The following WNT7A variants were observed in gnomAD, a reference collection of about 807,000 sequenced individuals.
WNT7A encodes Wnt family member 7A.
WNT7A carries 16 observed loss-of-function variants against 28.2 expected under a neutral mutation model. The observed-to-expected ratio is 0.57, with a 90% CI of 0.38 to 0.86. The LOEUF is 0.86. Among genes scored for constraint, WNT7A ranks in the 40% least tolerant of loss-of-function variants. WNT7A has a pLI of 0.00. For missense variants in WNT7A, 411 were observed against 489.7 expected, an observed-to-expected ratio of 0.84 and a Z score of 1.52; for synonymous variants, 190 against 195.9, an observed-to-expected ratio of 0.97 and a Z score of 0.25.
intron 3 of WNT7A, 111 bp downstream of exon 3, chr3:13,854,421 G>C: frequency 6.4e-6 from 10 of 1,562,892 alleles, no homozygotes; most frequent in Non-Finnish European, 8.7e-6. Context: ...GAATGAGGCT[G>C]AGGGCAGAGC....
intron 3 of WNT7A, among the ~76,000 whole-genome samples, chr3:13,832,082 G>C (rs1694289255): frequency 6.6e-6 from 1 of 151,612 alleles, no homozygotes; most frequent in South Asian, 2.1e-4. Context: ...TCCTGTTCCT[G>C]CTCCTGCTTC....
chr3:13,874,900 C>A (rs761831696), intron 2 of WNT7A, 47 bp downstream of exon 2: 2 of 1,595,648 alleles, frequency 1.3e-6, no homozygotes, highest in South Asian at 1.1e-5. Context: ...ATTCTGGTGT[C>A]CCTAGAGCCG....
intron 2 of WNT7A, among the ~76,000 whole-genome samples, chr3:13,871,255 TA>T (rs1695022412): frequency 6.6e-6 from 1 of 152,210 alleles, no homozygotes; most frequent in Non-Finnish European, 1.5e-5. Context: ...GCCAGATTTT[TA>T]CCCCTGCAAG....
chr3:13,850,878 G>T (rs1694624060), intron 3 of WNT7A, among the ~76,000 whole-genome samples: 1 of 152,022 alleles, frequency 6.6e-6, no homozygotes, highest in African/African-American at 2.4e-5. Context: ...GCACCCAGAA[G>T]GCCCAGGTTC....
At chr3:13,843,409 G>A (rs1694493107) in intron 3 of WNT7A, among the ~76,000 whole-genome samples, 1 of 152,106 alleles carries the variant, frequency 6.6e-6, no homozygotes. Context: ...AGGAAACTGA[G>A]GCTTGAGAAG....
intron 3 of WNT7A, among the ~76,000 whole-genome samples, chr3:13,846,376 G>A (rs1471577888): frequency 6.6e-6 from 1 of 152,200 alleles, no homozygotes; most frequent in Non-Finnish European, 1.5e-5. Flanking sequence ...AGGATAGTTT[G>A]AGGTTAAGAC....
chr3:13,838,693 C>T (rs1694408561), intron 3 of WNT7A, among the ~76,000 whole-genome samples: 1 of 152,228 alleles, frequency 6.6e-6, no homozygotes, highest in East Asian at 1.9e-4. Context: ...AGAATGCCAA[C>T]TGGCTTAGGG....
chr3:13,825,986 C>T (rs1694188576), intron 3 of WNT7A, among the ~76,000 whole-genome samples: 1 of 152,242 alleles, frequency 6.6e-6, no homozygotes, highest in South Asian at 2.1e-4. Context: ...TCCCCCGCCT[C>T]TGATGAAGAG....
chr3:13,820,903 G>A (rs1369206934), intron 3 of WNT7A, among the ~76,000 whole-genome samples: 3 of 152,190 alleles, frequency 2.0e-5, no homozygotes, highest in Non-Finnish European at 2.9e-5. Flanking sequence ...CTGGCTGGTT[G>A]AAGGCTCTGG....
At chr3:13,831,676 C>G (rs1048445512) in intron 3 of WNT7A, among the ~76,000 whole-genome samples, 1 of 152,110 alleles carries the variant, frequency 6.6e-6, no homozygotes, top group Admixed American at 6.5e-5. Flanking sequence ...CACCCAAGAC[C>G]ACTCCCCCTC....
chr3:13,842,831 A>G (rs559377361), intron 3 of WNT7A, among the ~76,000 whole-genome samples: 1 of 152,298 alleles, frequency 6.6e-6, no homozygotes, highest in African/African-American at 2.4e-5. Context: ...AGCTGGATGC[A>G]CAGGACTTGT....
Position 13,874,971 on chromosome 3 carries a change from C to T in WNT7A, c.274G>A (p.Val92Ile), listed in dbSNP as rs866069492. The T allele has an allele frequency of 2.5e-6, 4 of 1,614,122 alleles. No individual in the cohort carries two copies. Among genetic ancestry groups the T allele is most frequent in the South Asian group, 1.1e-5 (1 of 91,080 alleles). ...CCCACTTTGAGCTCCTTCCCGAAGA[C>T]GGTGCGCTCTCCCAGTGCAGAGCAG... is the stretch of plus-strand genomic sequence containing the variant. ...WNCSALGERTVFGKELKVGSR... is the reference protein window; with the variant it reads ...WNCSALGERTIFGKELKVGSR... The change falls in exon 2 of 4, where the codon GTC (valine) becomes ATC (isoleucine). Residue 92 changes from valine (V) to isoleucine (I), a missense_variant. Val to Ile is a conservative substitution (Grantham distance 29). Coordinates refer to ENST00000285018, the MANE Select transcript of WNT7A (RefSeq NM_004625.4).
In WNT7A at chr3:13,849,938, G is replaced by C. The variant is rs371252219; in HGVS notation, c.570+4594C>G. On this transcript the variant is annotated intron_variant, in intron 3 of 3. Coordinates refer to ENST00000285018, the MANE Select transcript of WNT7A (RefSeq NM_004625.4). ...GCTGCAGACAGGGTTGGGGTACAAT[G>C]GTCCCAAGAACCCCATGTCATTCCC... is the stretch of plus-strand genomic sequence containing the variant. 6.6e-5 allele frequency among the ~76,000 whole-genome samples: 10 copies of C among 152,256 alleles called. No homozygotes were observed. The East Asian group carries it at 1.9e-3, about 29-fold the overall frequency.
intron 1 of WNT7A, 47 bp from the exon 2 acceptor site, chr3:13,875,220 G>A: frequency 1.3e-6 from 2 of 1,597,402 alleles, no homozygotes. Context: ...CAGCAAGGGG[G>A]CATGGCCTGG....
In WNT7A at chr3:13,826,192, C is replaced by T. The variant is rs540421893; in HGVS notation, c.571-6769G>A. 2.4e-4 allele frequency among the ~76,000 whole-genome samples: 36 copies of T among 152,308 alleles called. 1 individual carries two copies. The South Asian group carries it at 7.3e-3, about 31-fold the overall frequency. ...GCTGCTCCGGTTTTCTCTGAGCTTCCGGTCCCCACCTTCCCTGAGTTTGCA... is the reference window on the plus strand; with the variant it reads ...GCTGCTCCGGTTTTCTCTGAGCTTCTGGTCCCCACCTTCCCTGAGTTTGCA... On this transcript the variant is annotated intron_variant, in intron 3 of 3. Coordinates refer to ENST00000285018, the MANE Select transcript of WNT7A (RefSeq NM_004625.4).
Position 13,875,110 on chromosome 3 carries a change from A to G in WNT7A, c.135T>C (p.Ala45=). ...SIICNKIPGL[A]PRQRAICQSR... ...TCTGGCAGATCGCCCGCTGTCTGGG[A>G]GCCAGGCCTGGGATCTTGTTACAGA... is the stretch of plus-strand genomic sequence containing the variant. Residue 45 remains alanine (A), a synonymous_variant, in exon 2 of 4, where the codon GCT becomes GCC. Coordinates refer to ENST00000285018, the MANE Select transcript of WNT7A (RefSeq NM_004625.4). 6.2e-7 allele frequency: 1 copy of G among 1,614,154 alleles called. No individual in the cohort carries two copies. Among genetic ancestry groups the G allele is most frequent in the Non-Finnish European group, 8.5e-7 (1 of 1,180,018 alleles).
chr3:13,856,874 A>G (rs71306073), intron 2 of WNT7A, among the ~76,000 whole-genome samples: 3 of 132,284 alleles, frequency 2.3e-5, no homozygotes, highest in Non-Finnish European at 4.7e-5. Context: ...AGGAAGAGGA[A>G]GAAGAGGAAG....
intron 2 of WNT7A, among the ~76,000 whole-genome samples, chr3:13,856,166 C>A (rs1475121002): frequency 6.6e-6 from 1 of 152,188 alleles, no homozygotes; most frequent in Non-Finnish European, 1.5e-5. Flanking sequence ...GCCATGCCAG[C>A]CCACCCATGG....
chr3:13,820,683 A>G (rs1260941442), intron 3 of WNT7A, among the ~76,000 whole-genome samples: 2 of 152,096 alleles, frequency 1.3e-5, no homozygotes, highest in Non-Finnish European at 2.9e-5. Flanking sequence ...GATGCTGGGG[A>G]TACTGAGGTG....
Sources: gnomAD v4.1 joint callset for allele counts (sites outside exome capture counted in the v4.1 genomes callset) on GRCh38, gnomAD v4.1.1 for gene constraint, MANE v1.5 for transcripts, NCBI Gene and HGNC (gene_info 2026-07-23, HGNC 2026-07-21) for gene names.